The following CACNA1B variants were observed in gnomAD, a reference collection of about 807,000 sequenced individuals.
The protein encoded by CACNA1B is voltage-dependent N-type calcium channel subunit alpha-1B.
A neutral mutation model predicts 247.2 loss-of-function variants in CACNA1B; 70 were observed. The ratio of observed to expected loss-of-function variants is 0.28; its 90% CI spans 0.23 to 0.35. The LOEUF is 0.35. Ranked by LOEUF, CACNA1B falls within the 10% of genes least tolerant of loss-of-function variation. CACNA1B has a pLI of 1.00. For missense variants in CACNA1B, 2,367 were observed against 3,197.4 expected (o/e 0.74, Z 6.26); for synonymous variants, 1,231 against 1,294.4 (o/e 0.95, Z 1.05).
At chr9:137,984,296 G>A in intron 13 of CACNA1B, 46 bp downstream of exon 13, 2 of 1,380,182 alleles carry the variant, frequency 1.4e-6, no homozygotes, top group Non-Finnish European at 2.0e-6. Context: ...AGGGTGGAGA[G>A]GGCGTGGGAT....
chr9:137,944,406 A>C (rs1957769816), intron 6 of CACNA1B, among the ~76,000 whole-genome samples: 1 of 151,992 alleles, frequency 6.6e-6, no homozygotes, highest in African/African-American at 2.4e-5. Context: ...CTCCAAGGAG[A>C]GCCTCAAGAA....
Position 138,075,886 on chromosome 9 carries a change from T to C in CACNA1B, c.4925T>C (p.Leu1642Ser). 6.2e-7 allele frequency: 1 copy of C among 1,611,866 alleles called. No individual in the cohort carries two copies. The highest frequency in any genetic ancestry group is 1.1e-5 in the South Asian group (1 of 90,438). Residue 1642 changes from leucine to serine, a missense_variant, in exon 35 of 47, where the codon TTG becomes TCG. Leu to Ser is a moderately radical substitution (Grantham distance 145, BLOSUM62 -2). Coordinates refer to ENST00000371372, the MANE Select transcript of CACNA1B (RefSeq NM_000718.4). Reference sequence around the variant, plus strand: ...CGCCACAACAACTTCCGGACGTTTTTGCAAGCCCTGATGCTGCTGTTCAGG... The same window carrying C: ...CGCCACAACAACTTCCGGACGTTTTCGCAAGCCCTGATGCTGCTGTTCAGG... ...INRHNNFRTF[L>S]QALMLLFRSA...
Position 138,057,712 on chromosome 9 carries a change from T to C in CACNA1B, c.3969-20T>C, listed in dbSNP as rs201765030. 15 of 1,590,348 alleles carry C rather than the reference T, an allele frequency of 9.4e-6. No individual in the cohort carries two copies. The highest frequency in any genetic ancestry group is 1.3e-5 in the Non-Finnish European group (15 of 1,161,408). ...GATCTTTTGTCTTTGCCCTCTAACC[T>C]CCCATGTTCTCATTCCTAGGGGTCA... On this transcript the variant is annotated intron_variant, in intron 26 of 46. Coordinates refer to ENST00000371372, the MANE Select transcript of CACNA1B (RefSeq NM_000718.4). This position sits in a 1 kb window ranked among gnomAD's most constrained non-coding sequence, Gnocchi z 4.0.
At chr9:137,930,200 A>G (rs1161093808) in intron 6 of CACNA1B, among the ~76,000 whole-genome samples, 1 of 152,166 alleles carries the variant, frequency 6.6e-6, no homozygotes, top group Admixed American at 6.5e-5. Flanking sequence ...ATGATTATTT[A>G]GACTTCCTTC....
At chr9:138,040,717 G>T (rs762003364) in intron 20 of CACNA1B, 1 of 208,784 alleles carries the variant, frequency 4.8e-6, no homozygotes, top group Non-Finnish European at 1.1e-5. Flanking sequence ...GTTGACATTC[G>T]CTGGCAGCTG....
At position 138,043,960 on chromosome 9, in the gene CACNA1B, T is replaced by C. The variant is rs2133473252; in HGVS notation, c.3413+60T>C. On this transcript the variant is annotated intron_variant, in intron 21 of 46. Transcript: ENST00000371372. ...CCACTCACCCATGCATCATGACCCG[T>C]GGGATCTCAGTAGCCAGCGTGCACT... The C allele has an allele frequency of 3.8e-6, 6 of 1,586,756 alleles. No individual in the cohort carries two copies. The South Asian group carries it at 6.8e-5, about 18-fold the overall frequency.
At position 137,952,423 on chromosome 9, in the gene CACNA1B, A is replaced by C; in HGVS notation, c.1070+46A>C. 2.0e-6 allele frequency: 3 copies of C among 1,495,250 alleles called. No individual in the cohort carries two copies. The highest frequency in any genetic ancestry group is 2.8e-6 in the Non-Finnish European group (3 of 1,072,638). 92.6% of individuals were successfully genotyped at this position (1,495,250 alleles called of 1,614,324 possible). On this transcript the variant is annotated intron_variant, in intron 7 of 46. Transcript: ENST00000371372. This position sits in a 1 kb window ranked among gnomAD's most constrained non-coding sequence, Gnocchi z 4.8. ...TGTGCAGGTGCCCCTCTGTGTTCTC[A>C]GCTGAGGGGTCAACAGGGGCACGTG...
chr9:137,917,124 G>T lies in CACNA1B; in HGVS notation c.776-117G>T. 1.2e-6 allele frequency: 1 copy of T among 851,714 alleles called. No homozygotes were observed. Among genetic ancestry groups the T allele is most frequent in the South Asian group, 1.7e-5 (1 of 57,300 alleles). 52.8% of individuals were successfully genotyped at this position (851,714 alleles called of 1,614,324 possible). On this transcript the variant is annotated intron_variant, in intron 5 of 46. Transcript: ENST00000371372. The surrounding 1 kb of genome is among the most constrained non-coding windows in gnomAD (Gnocchi z 5.5). ...GGTGGGAAGTTGAGGGAGAGTTTCT[G>T]TTGGTGGCTGGTTCCTGCCCACCTG...
At chr9:138,034,435 GA>G (rs1223183487) in intron 20 of CACNA1B, among the ~76,000 whole-genome samples, 2 of 151,654 alleles carry the variant, frequency 1.3e-5, no homozygotes, top group African/African-American at 4.9e-5. Flanking sequence ...GGTATAAGTG[GA>G]AGTAGGGTCA....
intron 20 of CACNA1B, 94 bp from the exon 21 acceptor site, chr9:138,043,680 G>T: frequency 6.9e-7 from 1 of 1,451,858 alleles, no homozygotes; most frequent in Non-Finnish European, 9.5e-7. Flanking sequence ...AGGACCTGAC[G>T]CAAGTGCCGG....
At position 137,899,870 on chromosome 9, in the gene CACNA1B, C is replaced by T. The variant is rs939364659; in HGVS notation, c.531-13310C>T. Reference sequence around the variant, plus strand: ...CACCTGTGCAGGATTTGTGGTCTCCCCTGGCTCAGCGCAGACCCTCTGAGG... The same window carrying T: ...CACCTGTGCAGGATTTGTGGTCTCCTCTGGCTCAGCGCAGACCCTCTGAGG... On this transcript the variant is annotated intron_variant, in intron 3 of 46. Transcript: ENST00000371372. This position sits in a 1 kb window ranked among gnomAD's most constrained non-coding sequence, Gnocchi z 5.0. Among the ~76,000 whole-genome samples the T allele has an allele frequency of 6.6e-6, 1 of 152,190 alleles. No individual in the cohort carries two copies. The highest frequency in any genetic ancestry group is 1.5e-5 in the Non-Finnish European group (1 of 68,044).
In CACNA1B at chr9:137,904,732, G is replaced by A. The variant is rs1457953244; in HGVS notation, c.531-8448G>A. On this transcript the variant is annotated intron_variant, in intron 3 of 46. Coordinates refer to ENST00000371372, the MANE Select transcript of CACNA1B (RefSeq NM_000718.4). Reference sequence around the variant, plus strand: ...TAATGGTCTGCCAGGTGATGCTGAGGCTGCTGGGAGATCCTGGGTTGGTTC... The same window carrying A: ...TAATGGTCTGCCAGGTGATGCTGAGACTGCTGGGAGATCCTGGGTTGGTTC... 7.9e-5 allele frequency among the ~76,000 whole-genome samples: 12 copies of A among 152,052 alleles called. 1 individual carries two copies. Among genetic ancestry groups the A allele is most frequent in the Admixed American group, 7.9e-4 (12 of 15,250 alleles).
At position 138,023,176 on chromosome 9, in the gene CACNA1B, G is replaced by A. The variant is rs1053026240; in HGVS notation, c.2433G>A (p.Thr811=). The A allele has an allele frequency of 6.5e-7, 1 of 1,526,916 alleles. No individual in the cohort carries two copies. The highest frequency in any genetic ancestry group is 8.7e-7 in the Non-Finnish European group (1 of 1,144,860). The allele number at this position is 1,526,916 out of a possible 1,614,324, so 94.6% of individuals were successfully genotyped here. A position where few individuals can be genotyped will look rare whatever the true frequency, so the allele number is the denominator to read the frequency against. ...TTRHLRPDMK[T]HLDRPLVVEL... is the part of the protein sequence containing the mutation. Reference sequence around the variant, plus strand: ...GCCACCTGCGGCCCGACATGAAGACGCACCTGGACCGGCCGCTGGTGGTGG... The same window carrying A: ...GCCACCTGCGGCCCGACATGAAGACACACCTGGACCGGCCGCTGGTGGTGG... Residue 811 remains threonine, a synonymous_variant, in exon 19 of 47, where the codon ACG becomes ACA. Coordinates refer to ENST00000371372, the MANE Select transcript of CACNA1B (RefSeq NM_000718.4).
Position 138,120,184 on chromosome 9 carries a change from C to T in CACNA1B, c.6050C>T (p.Pro2017Leu), listed in dbSNP as rs755536551. The T allele has an allele frequency of 1.4e-5, 23 of 1,605,700 alleles. No individual in the cohort carries two copies. In the East Asian group the frequency reaches 4.8e-4, roughly 33 times the overall value. ...CCACAGCCCGTCACAGATGCCAGCC[C>T]CATGAAGCGCTCCATCTCCACGCTG... The part of the protein sequence containing the change: ...AETQPVTDAS[P>L]MKRSISTLAQ... Residue 2017 changes from proline (P) to leucine (L), a missense_variant, in exon 45 of 47, where the codon CCC becomes CTC. By Grantham distance (98) the Pro-to-Leu change is moderately conservative (BLOSUM62 -3). This residue lies in a region of CACNA1B where 773 missense variants were observed against 779.4 expected (regional missense o/e 0.99). Coordinates refer to ENST00000371372, the MANE Select transcript of CACNA1B (RefSeq NM_000718.4).
At chr9:137,886,394 C>T (rs1957012849) in intron 3 of CACNA1B, among the ~76,000 whole-genome samples, 1 of 152,226 alleles carries the variant, frequency 6.6e-6, no homozygotes, top group African/African-American at 2.4e-5. Context: ...CGTCTGCCTT[C>T]CCGTCCATGC....
intron 6 of CACNA1B, among the ~76,000 whole-genome samples, chr9:137,939,364 C>T (rs908447524): frequency 6.6e-6 from 1 of 152,090 alleles, no homozygotes; most frequent in East Asian, 1.9e-4. Flanking sequence ...ATATCGGGCA[C>T]CTTCTGAGAC....
Position 138,049,281 on chromosome 9 carries a change from G to A in CACNA1B, c.3676G>A (p.Val1226Met). The change falls in exon 24 of 47, where the codon GTG (valine) becomes ATG (methionine). Residue 1226 changes from valine (V) to methionine (M), a missense_variant. Physicochemically the swap from Val to Met is conservative, Grantham distance 21. Coordinates refer to ENST00000371372, the MANE Select transcript of CACNA1B (RefSeq NM_000718.4). The stretch of plus-strand genomic sequence containing the variant: ...CTTGTGGAACATTCTGGACTTCATT[G>A]TGGTCAGTGGCGCCCTGGTGGCGTT... ...RDLWNILDFI[V>M]VSGALVAFAF... 2 of 1,613,212 alleles carry A rather than the reference G, an allele frequency of 1.2e-6. No homozygotes were observed. The highest frequency in any genetic ancestry group is 8.5e-7 in the Non-Finnish European group (1 of 1,179,126).
chr9:137,895,064 G>A (rs1001098251), intron 3 of CACNA1B, among the ~76,000 whole-genome samples: 1 of 152,152 alleles, frequency 6.6e-6, no homozygotes, highest in African/African-American at 2.4e-5. Flanking sequence ...TTTTTTGCCT[G>A]TGGGTGTCCA....
At chr9:137,892,595 C>A (rs941286632) in intron 3 of CACNA1B, 4 of 355,910 alleles carry the variant, frequency 1.1e-5, no homozygotes, top group Non-Finnish European at 1.7e-5. Context: ...CCCGAAGGGG[C>A]CAAGGGTGGG....
Sources: allele counts gnomAD v4.1 joint callset (sites outside exome capture counted in the v4.1 genomes callset), GRCh38; gene constraint gnomAD v4.1.1; regional missense constraint gnomAD v4.1.1; non-coding constraint Gnocchi (gnomAD v3.1); transcripts MANE v1.5; gene names NCBI Gene and HGNC (gene_info 2026-07-23, HGNC 2026-07-21).